Variants in EIF4G2 observed in about 807,000 individuals in gnomAD.
The protein encoded by EIF4G2 is eukaryotic translation initiation factor 4 gamma 2, also known as DAP-5.
A neutral mutation model predicts 117.7 loss-of-function variants in EIF4G2; 8 were observed. That is an observed-to-expected ratio of 0.07 (90% confidence interval 0.04 to 0.12). The LOEUF is 0.12. Among genes scored for constraint, EIF4G2 ranks in the 10% least tolerant of loss-of-function variants. The pLI is 1.00. For synonymous variants in EIF4G2, 413 were observed against 367.8 expected, an observed-to-expected ratio of 1.12 and a Z score of -1.41; for missense variants, 812 against 1,086.2, an observed-to-expected ratio of 0.75 and a Z score of 3.55.
chr11:10,798,831 C>G lies in EIF4G2; in HGVS notation c.2658+161G>C, dbSNP rs1259758369. The G allele has an allele frequency of 4.5e-6, 4 of 889,306 alleles. No homozygotes were observed. The East Asian group carries it at 1.0e-4, about 22-fold the overall frequency. 55.1% of individuals were successfully genotyped at this position (889,306 alleles called of 1,614,324 possible). A position where few individuals can be genotyped will look rare whatever the true frequency, so the allele number is the denominator to read the frequency against. Reference sequence around the variant, plus strand: ...AGAATTGATTCATTGTGTAGCTTTACTTAATAATAGCTTCAAATAGTGCAG... The same window carrying G: ...AGAATTGATTCATTGTGTAGCTTTAGTTAATAATAGCTTCAAATAGTGCAG... On this transcript the variant is annotated intron_variant, in intron 21 of 21. Transcript: ENST00000339995.
chr11:10,806,545 CAGT>C, intron 3 of EIF4G2: 1 of 426,354 alleles, frequency 2.3e-6, no homozygotes, highest in Non-Finnish European at 4.2e-6. Context: ...TAATAACAAT[CAGT>C]AGGAATAATA....
intron 3 of EIF4G2, 52 bp downstream of exon 3, chr11:10,806,768 G>C: frequency 6.3e-7 from 1 of 1,591,244 alleles, no homozygotes; most frequent in Non-Finnish European, 8.6e-7. Flanking sequence ...ACATGGGAAA[G>C]ACTTTTAATC....
chr11:10,797,583 G>A lies in EIF4G2; in HGVS notation c.*233C>T. On this transcript the variant is annotated 3_prime_UTR_variant, in exon 22 of 22. Transcript: ENST00000339995. The surrounding 1 kb of genome is among the most constrained non-coding windows in gnomAD (Gnocchi z 4.5). Reference sequence around the variant, plus strand: ...ACTTATGATGTAATTATTGCATGCTGCTAATATACTATCTAAACATTAAAG... The same window carrying A: ...ACTTATGATGTAATTATTGCATGCTACTAATATACTATCTAAACATTAAAG... 1 of 525,524 alleles carries A rather than the reference G, an allele frequency of 1.9e-6. No individual in the cohort carries two copies. Among genetic ancestry groups the A allele is most frequent in the Non-Finnish European group, 3.4e-6 (1 of 295,104 alleles). 32.6% of individuals were successfully genotyped at this position (525,524 alleles called of 1,614,324 possible). A position where few individuals can be genotyped will look rare whatever the true frequency, so the allele number is the denominator to read the frequency against.
At position 10,803,147 on chromosome 11, in the gene EIF4G2, T is replaced by G; in HGVS notation, c.898-19A>C. On this transcript the variant is annotated intron_variant, in intron 10 of 21. Coordinates refer to ENST00000339995, the MANE Select transcript of EIF4G2 (RefSeq NM_001418.4). The surrounding 1 kb of genome is among the most constrained non-coding windows in gnomAD (Gnocchi z 4.0). ...CGGTATCCTTTAATTGAAAAATAAT[T>G]TTATTTTAATATTCCTAAACCAAAA... The G allele has an allele frequency of 6.2e-7, 1 of 1,601,968 alleles. No individual in the cohort carries two copies. Among genetic ancestry groups the G allele is most frequent in the Non-Finnish European group, 8.5e-7 (1 of 1,175,282 alleles).
At position 10,803,872 on chromosome 11, in the gene EIF4G2, T is replaced by C. The variant is rs1291631774; in HGVS notation, c.702+27A>G. On this transcript the variant is annotated intron_variant, in intron 8 of 21. Transcript: ENST00000339995. The surrounding 1 kb of genome is among the most constrained non-coding windows in gnomAD (Gnocchi z 4.0). ...CATTTCCTCCAAACGACTGACTACA[T>C]TCGCCTAACTTCCCTGTCACACTTA... The C allele has an allele frequency of 1.9e-6, 3 of 1,598,168 alleles. No individual in the cohort carries two copies. In the Admixed American group the frequency reaches 5.1e-5, roughly 27 times the overall value.
At chr11:10,798,723 C>T (rs750633781) in intron 21 of EIF4G2, 7 of 273,212 alleles carry the variant, frequency 2.6e-5, no homozygotes, top group Admixed American at 4.8e-5. Context: ...AAGCTTAAAT[C>T]GAAACTTGTA....
intron 1 of EIF4G2, chr11:10,807,790 A>C: frequency 1.0e-6 from 1 of 991,194 alleles, no homozygotes; most frequent in Non-Finnish European, 1.2e-6. Context: ...AAAGCTCTTC[A>C]GCAGTTTTCC....
At chr11:10,799,933 TTA>T in intron 18 of EIF4G2, 155 bp downstream of exon 18, 1 of 1,167,228 alleles carries the variant, frequency 8.6e-7, no homozygotes, top group African/African-American at 1.6e-5. Flanking sequence ...AGTAGTTAAA[TTA>T]TAAATCTCTC....
At position 10,806,017 on chromosome 11, in the gene EIF4G2, G is replaced by A. The variant is rs779424438; in HGVS notation, c.138C>T (p.Asn46=). ...TTCGTGCAGGAATCCATTTCTGAGC[G>A]TTTTGCCCTGGGGTTTTCCCCAGGA... The change falls in exon 4 of 22, where the codon AAC becomes AAT. Residue 46 remains asparagine, a synonymous_variant. Transcript: ENST00000339995. 4 of 1,614,118 alleles carry A rather than the reference G, an allele frequency of 2.5e-6. No individual in the cohort carries two copies. Among genetic ancestry groups the A allele is most frequent in the African/African-American group, 1.3e-5 (1 of 74,934 alleles).
chr11:10,800,216 G>T lies in EIF4G2; in HGVS notation c.1993C>A (p.Leu665Ile). 6.2e-7 allele frequency: 1 copy of T among 1,614,180 alleles called. No homozygotes were observed. Among genetic ancestry groups the T allele is most frequent in the Non-Finnish European group, 8.5e-7 (1 of 1,180,026 alleles). ...AGAGGAAAATGGGTGCCACTTTCTA[G>T]TGGTTGAGCTAGTTCTGAAATGCTC... Residue 665 changes from leucine (L) to isoleucine (I), a missense_variant, in exon 18 of 22, where the codon CTA becomes ATA. Physicochemically the swap from Leu to Ile is conservative, Grantham distance 5. Transcript: ENST00000339995.
intron 2 of EIF4G2, 172 bp from the exon 3 acceptor site, chr11:10,807,057 T>C (rs1037013089): frequency 1.8e-6 from 2 of 1,130,186 alleles, no homozygotes; most frequent in African/African-American, 1.6e-5. Flanking sequence ...AAATGAAGAC[T>C]GAACTCGGAC....
chr11:10,798,137 A>C (rs185751727), intron 21 of EIF4G2, among the ~76,000 whole-genome samples: 1 of 152,318 alleles, frequency 6.6e-6, no homozygotes, highest in Non-Finnish European at 1.5e-5. Context: ...ATGCTGCAGG[A>C]CCAATGTTTC....
In EIF4G2 at chr11:10,800,981, T is replaced by C. The variant is rs1847400663; in HGVS notation, c.1520A>G (p.Gln507Arg). The C allele has an allele frequency of 3.1e-6, 5 of 1,614,082 alleles. No homozygotes were observed. Among genetic ancestry groups the C allele is most frequent in the Non-Finnish European group, 4.2e-6 (5 of 1,180,030 alleles). ...CTGTACCTGTCCCAGAGGTGGTGTT[T>C]GAGTGCGTGGTGGTTGTGCACTAGG... Residue 507 changes from glutamine to arginine, a missense_variant, in exon 15 of 22, where the codon CAA becomes CGA. Gln to Arg is a conservative substitution (Grantham distance 43). Coordinates refer to ENST00000339995, the MANE Select transcript of EIF4G2 (RefSeq NM_001418.4).
rs1280475238 is a variant in EIF4G2 at position 10,804,582 on chromosome 11, C to A, written c.352-164G>T. 8.2e-6 allele frequency: 7 copies of A among 855,166 alleles called. No homozygotes were observed. The East Asian group carries it at 1.6e-4, about 20-fold the overall frequency. The allele number at this position is 855,166 out of a possible 1,614,324, so 53.0% of individuals were successfully genotyped here. A position where few individuals can be genotyped will look rare whatever the true frequency, so the allele number is the denominator to read the frequency against. ...TCCATCTCCTGGGAGTCAGAAAATGCCATGGATATCAAAACTTTCAAGTCT... is the reference window on the plus strand; with the variant it reads ...TCCATCTCCTGGGAGTCAGAAAATGACATGGATATCAAAACTTTCAAGTCT... On this transcript the variant is annotated intron_variant, in intron 5 of 21. Transcript: ENST00000339995.
chr11:10,807,067 C>A, intron 2 of EIF4G2, 182 bp from the exon 3 acceptor site: 1 of 1,150,918 alleles, frequency 8.7e-7, no homozygotes. Context: ...TGAACTCGGA[C>A]CCAAAGGAAA....
rs1186095988 is a variant in EIF4G2 at position 10,803,319 on chromosome 11, TG to T, written c.814-26del. On this transcript the variant is annotated intron_variant, in intron 9 of 21. Coordinates refer to ENST00000339995, the MANE Select transcript of EIF4G2 (RefSeq NM_001418.4). The surrounding 1 kb of genome is among the most constrained non-coding windows in gnomAD (Gnocchi z 4.0). ...ACTGATAAGAGAAGAATACATTCAT[TG>T]GAAGAGCTAAAGCAAATGTGTTCAA... is the stretch of plus-strand genomic sequence containing the variant. The T allele has an allele frequency of 6.2e-7, 1 of 1,608,736 alleles. No individual in the cohort carries two copies. The highest frequency in any genetic ancestry group is 1.3e-5 in the African/African-American group (1 of 74,656).
chr11:10,804,866 A>T (rs763257275), intron 5 of EIF4G2, 47 bp downstream of exon 5: 3 of 1,501,506 alleles, frequency 2.0e-6, no homozygotes, highest in African/African-American at 2.8e-5. Context: ...TGAGTTTGTT[A>T]AACAGTTCCC....
chr11:10,801,481 C>A, intron 14 of EIF4G2, 180 bp downstream of exon 14: 1 of 767,664 alleles, frequency 1.3e-6, no homozygotes, highest in Non-Finnish European at 2.3e-6. Context: ...CCTCATATCT[C>A]ATAATCTTCG....
Position 10,806,032 on chromosome 11 carries a change from T to C in EIF4G2, c.123A>G (p.Lys41=), listed in dbSNP as rs1847559006. 3 of 1,614,234 alleles carry C rather than the reference T, an allele frequency of 1.9e-6. No individual in the cohort carries two copies. In the East Asian group the frequency reaches 6.7e-5, roughly 36 times the overall value. ...ATTTCTGAGCGTTTTGCCCTGGGGT[T>C]TTCCCCAGGAACTCGCTGATTAATA... is the stretch of plus-strand genomic sequence containing the variant. Residue 41 remains lysine (K), a synonymous_variant, in exon 4 of 22, where the codon AAA becomes AAG. Coordinates refer to ENST00000339995, the MANE Select transcript of EIF4G2 (RefSeq NM_001418.4).
Sources: gnomAD v4.1 joint callset for allele counts (sites outside exome capture counted in the v4.1 genomes callset) on GRCh38, gnomAD v4.1.1 for gene constraint, Gnocchi (gnomAD v3.1) non-coding constraint, MANE v1.5 for transcripts, NCBI Gene and HGNC (gene_info 2026-07-23, HGNC 2026-07-21) for gene names.